The following CNTN4 variants were observed in gnomAD, a reference collection of about 807,000 sequenced individuals.
The protein encoded by CNTN4 is contactin-4.
CNTN4 carries 77 observed loss-of-function variants against 122.5 expected under a neutral mutation model. The ratio of observed to expected loss-of-function variants is 0.63; its 90% CI spans 0.52 to 0.76. The LOEUF is 0.76. CNTN4 is among the 30% of genes least tolerant of loss of function. The pLI, the probability that CNTN4 is intolerant of heterozygous loss-of-function variation, is 0.00. For missense variants in CNTN4, 1,256 were observed against 1,259.1 expected (o/e 1.00, Z 0.04); for synonymous variants, 512 against 447.0 (o/e 1.15, Z -1.83).
At chr3:3,042,936 A>C in intron 21 of CNTN4, 41 bp from the exon 22 acceptor site, 1 of 1,536,612 alleles carries the variant, frequency 6.5e-7, no homozygotes, top group Non-Finnish European at 9.0e-7. Flanking sequence ...AAATATCCCC[A>C]TTGGGTATGG....
intron 3 of CNTN4, among the ~76,000 whole-genome samples, chr3:2,471,526 GA>G (rs2075682669): frequency 6.6e-6 from 1 of 152,192 alleles, no homozygotes; most frequent in African/African-American, 2.4e-5. Flanking sequence ...TTTTAATGGG[GA>G]AAAATTATTA....
At chr3:2,856,359 C>T (rs1383786996) in intron 7 of CNTN4, among the ~76,000 whole-genome samples, 1 of 152,126 alleles carries the variant, frequency 6.6e-6, no homozygotes, top group Non-Finnish European at 1.5e-5. Context: ...ATGTAATTTT[C>T]CTGGTCAGGA....
Position 3,030,773 on chromosome 3 carries a change from T to C in CNTN4, c.1663-82T>C, listed in dbSNP as rs560386741. The C allele has an allele frequency of 1.3e-4, 191 of 1,471,982 alleles. No individual in the cohort carries two copies. In the African/African-American group the frequency reaches 2.3e-3, roughly 17 times the overall value. 91.2% of individuals were successfully genotyped at this position (1,471,982 alleles called of 1,614,324 possible). ...CATCAGCCAGTGTAAAATAAATCCA[T>C]TAGTCACCGTGTCCTTCATGTGATA... On this transcript the variant is annotated intron_variant, in intron 15 of 24. Coordinates refer to ENST00000418658, the MANE Select transcript of CNTN4 (RefSeq NM_175607.3).
At chr3:2,846,987 C>T (rs1044309666) in intron 7 of CNTN4, among the ~76,000 whole-genome samples, 5 of 151,920 alleles carry the variant, frequency 3.3e-5, no homozygotes, top group South Asian at 4.2e-4. Flanking sequence ...GAGTGAAACT[C>T]GGTCTCAAAT....
chr3:2,668,401 A>T (rs1398348940), intron 4 of CNTN4, among the ~76,000 whole-genome samples: 1 of 151,998 alleles, frequency 6.6e-6, no homozygotes, highest in Non-Finnish European at 1.5e-5. Context: ...TTTGTCTGTT[A>T]TTGGTATATA....
chr3:2,413,093 G>T (rs943123294), intron 3 of CNTN4, among the ~76,000 whole-genome samples: 1 of 152,186 alleles, frequency 6.6e-6, no homozygotes, highest in African/African-American at 2.4e-5. Flanking sequence ...CATATGCATC[G>T]TTAAAATGTA....
At chr3:2,249,718 C>G (rs1039562542) in intron 2 of CNTN4, among the ~76,000 whole-genome samples, 1 of 151,892 alleles carries the variant, frequency 6.6e-6, no homozygotes, top group African/African-American at 2.4e-5. Flanking sequence ...AAACAAATTT[C>G]AAATGCTGAA....
chr3:2,386,523 A>G lies in CNTN4; in HGVS notation c.-89+47290A>G, dbSNP rs137856963. On this transcript the variant is annotated intron_variant, in intron 3 of 24. Coordinates refer to ENST00000418658, the MANE Select transcript of CNTN4 (RefSeq NM_175607.3). ...TGCAATATGTGTTTACATTGCATTGAAAATATTTGTTGGAAAAGATGTTTT... is the reference window on the plus strand; with the variant it reads ...TGCAATATGTGTTTACATTGCATTGGAAATATTTGTTGGAAAAGATGTTTT... Among the ~76,000 whole-genome samples the G allele has an allele frequency of 3.3e-3, 499 of 152,320 alleles. 3 individuals carry two copies. The highest frequency in any genetic ancestry group is 0.011 in the African/African-American group (470 of 41,572).
At chr3:2,773,686 G>C (rs966097017) in intron 6 of CNTN4, among the ~76,000 whole-genome samples, 1 of 151,266 alleles carries the variant, frequency 6.6e-6, no homozygotes, top group African/African-American at 2.4e-5. Flanking sequence ...TAAACACCCT[G>C]TGGGCATTAC....
intron 6 of CNTN4, among the ~76,000 whole-genome samples, chr3:2,796,069 T>C (rs2092168631): frequency 1.3e-5 from 2 of 152,200 alleles, no homozygotes; most frequent in Admixed American, 1.3e-4. Flanking sequence ...ATTGGGACTT[T>C]CTTGACCCGT....
chr3:2,430,422 CAAAAAAAAAA>C (rs545639324), intron 3 of CNTN4, among the ~76,000 whole-genome samples: 1 of 60,202 alleles, frequency 1.7e-5, no homozygotes, highest in African/African-American at 5.7e-5. Flanking sequence ...ACTCTTGTCT[CAAAAAAAAAA>C]AAAAAAAAAG....
chr3:2,793,234 C>G (rs1287845039), intron 6 of CNTN4, among the ~76,000 whole-genome samples: 1 of 152,002 alleles, frequency 6.6e-6, no homozygotes, highest in Non-Finnish European at 1.5e-5. Context: ...TCCTATCACG[C>G]TTCTGCTTGT....
rs148591955 is a variant in CNTN4 at position 2,201,141 on chromosome 3, A to G, written c.-145+100502A>G. On this transcript the variant is annotated intron_variant, in intron 2 of 24. Transcript: ENST00000418658. Reference sequence around the variant, plus strand: ...CCTTCTGTGTCAAACACCCCACGCTACACTCTACACTAAGCTCTTGTTAGT... The same window carrying G: ...CCTTCTGTGTCAAACACCCCACGCTGCACTCTACACTAAGCTCTTGTTAGT... Among the ~76,000 whole-genome samples, 595 of 152,148 alleles carry G rather than the reference A, an allele frequency of 3.9e-3. 5 individuals carry two copies. Among genetic ancestry groups the G allele is most frequent in the African/African-American group, 0.014 (568 of 41,514 alleles).
intron 6 of CNTN4, among the ~76,000 whole-genome samples, chr3:2,753,889 G>A (rs1237982230): frequency 6.6e-6 from 1 of 152,104 alleles, no homozygotes; most frequent in Non-Finnish European, 1.5e-5. Flanking sequence ...ACATAAATTT[G>A]TGGACTCTAA....
chr3:2,654,763 T>G (rs1157367152), intron 4 of CNTN4, among the ~76,000 whole-genome samples: 1 of 152,186 alleles, frequency 6.6e-6, no homozygotes, highest in African/African-American at 2.4e-5. Flanking sequence ...GCAAATACAG[T>G]TAGGAGTCCT....
chr3:2,138,662 T>G (rs999262823), intron 2 of CNTN4, among the ~76,000 whole-genome samples: 1 of 152,194 alleles, frequency 6.6e-6, no homozygotes, highest in Non-Finnish European at 1.5e-5. Flanking sequence ...TGCCTGCTGG[T>G]TGAGCTGGGA....
intron 3 of CNTN4, among the ~76,000 whole-genome samples, chr3:2,492,373 A>G (rs1168306190): frequency 1.3e-5 from 2 of 152,148 alleles, no homozygotes; most frequent in Admixed American, 6.5e-5. Flanking sequence ...CAGGCTTATC[A>G]TGGATCTGGG....
chr3:2,614,543 CA>C (rs1010944353), intron 4 of CNTN4, among the ~76,000 whole-genome samples: 1 of 151,990 alleles, frequency 6.6e-6, no homozygotes, highest in African/African-American at 2.4e-5. Flanking sequence ...GTGAAATGTA[CA>C]AAAATTGAAC....
At chr3:3,044,672 C>A (rs1700460996) in intron 23 of CNTN4, among the ~76,000 whole-genome samples, 1 of 152,178 alleles carries the variant, frequency 6.6e-6, no homozygotes, top group African/African-American at 2.4e-5. Context: ...GTCTATAGCT[C>A]CCAGCGTGAG....
Sources: gnomAD v4.1 joint callset for allele counts (sites outside exome capture counted in the v4.1 genomes callset) on GRCh38, gnomAD v4.1.1 for gene constraint, MANE v1.5 for transcripts, NCBI Gene and HGNC (gene_info 2026-07-23, HGNC 2026-07-21) for gene names.